Variants in VPS13C observed in about 807,000 individuals in gnomAD.
VPS13C encodes the protein vacuolar protein sorting 13 homolog C.
A neutral mutation model predicts 456.8 loss-of-function variants in VPS13C; 358 were observed. The observed-to-expected ratio is 0.78, with a 90% CI of 0.72 to 0.86. The LOEUF is 0.86. Ranked by LOEUF, VPS13C falls within the 40% of genes least tolerant of loss-of-function variation. The pLI is 0.00. For missense variants in VPS13C, 4,818 were observed against 4,385.4 expected (o/e 1.10, Z -2.79); for synonymous variants, 1,578 against 1,486.7 (o/e 1.06, Z -1.41).
Position 61,927,169 on chromosome 15 carries a change from C to A in VPS13C, c.6438G>T (p.Met2146Ile). Residue 2146 changes from methionine to isoleucine, a missense_variant, in exon 52 of 85, where the codon ATG becomes ATT. Physicochemically the swap from Met to Ile is conservative, Grantham distance 10. Transcript: ENST00000644861. The part of the protein sequence containing the change: ...LSLSTSKLEQ[M>I]MEASVRDLKV... ...TCAGATCTCTCACAGAAGCTTCCAT[C>A]ATCTGTTCGAGTTTGGATGTTGACA... The A allele has an allele frequency of 2.5e-6, 4 of 1,614,188 alleles. No individual in the cohort carries two copies. The highest frequency in any genetic ancestry group is 3.4e-6 in the Non-Finnish European group (4 of 1,180,030).
At chr15:61,881,689 A>T in intron 70 of VPS13C, 57 bp from the exon 71 acceptor site, 10 of 1,599,564 alleles carry the variant, frequency 6.3e-6, no homozygotes, top group Non-Finnish European at 8.5e-6. Context: ...GGTTAAACTA[A>T]TGCCTATTTA....
chr15:61,976,579 G>C (rs1024532390), intron 24 of VPS13C, among the ~76,000 whole-genome samples: 9 of 151,856 alleles, frequency 5.9e-5, no homozygotes, highest in African/African-American at 2.2e-4. Context: ...CCATGATGAT[G>C]GTTTCACGGC....
Position 61,862,851 on chromosome 15 carries a change from T to C in VPS13C, c.10952+589A>G, listed in dbSNP as rs148120039. 3.9e-4 allele frequency among the ~76,000 whole-genome samples: 59 copies of C among 152,264 alleles called. No individual in the cohort carries two copies. The East Asian group carries it at 0.01, about 26-fold the overall frequency. ...CTGTAAGAACTTTGCCTTACTCTTA[T>C]AAAGCTCAACACTAAGAAAGTTCTG... On this transcript the variant is annotated intron_variant, in intron 82 of 84. Transcript: ENST00000644861.
intron 47 of VPS13C, among the ~76,000 whole-genome samples, chr15:61,938,713 C>G (rs1172781398): frequency 6.6e-6 from 1 of 152,190 alleles, no homozygotes; most frequent in East Asian, 1.9e-4. Flanking sequence ...CCCTGTGAAT[C>G]TACCACCTGG....
At chr15:62,017,650 T>G (rs1011138148) in intron 9 of VPS13C, among the ~76,000 whole-genome samples, 3 of 152,210 alleles carry the variant, frequency 2.0e-5, no homozygotes, top group Non-Finnish European at 4.4e-5. Flanking sequence ...TCTGTATCTC[T>G]GTTTTGGTAC....
At position 62,007,417 on chromosome 15, in the gene VPS13C, G is replaced by A. The variant is rs1435979092; in HGVS notation, c.1181C>T (p.Ser394Leu). Reference protein sequence around the residue: ...VHIRRYTQMWSWSNIKKHRQL... With the variant: ...VHIRRYTQMWLWSNIKKHRQL... ...CCTGTGCTTTTTTATGTTACTCCAT[G>A]ACCACATCTGTGTATACCTTCTTAT... Residue 394 changes from serine (S) to leucine (L), a missense_variant, in exon 15 of 85, where the codon TCA (serine) becomes TTA (leucine). Physicochemically the swap from Ser to Leu is moderately radical, Grantham distance 145. Around this residue, in one of 3 missense-constraint regions of VPS13C, gnomAD observed 4,552 missense variants for 4,130.6 expected, o/e 1.10. Coordinates refer to ENST00000644861, the MANE Select transcript of VPS13C (RefSeq NM_020821.3). The A allele has an allele frequency of 1.2e-6, 2 of 1,612,646 alleles. No homozygotes were observed. The highest frequency in any genetic ancestry group is 1.3e-5 in the African/African-American group (1 of 74,876).
intron 67 of VPS13C, among the ~76,000 whole-genome samples, chr15:61,889,942 CAACT>C (rs1345368931): frequency 6.6e-6 from 1 of 151,966 alleles, no homozygotes; most frequent in Non-Finnish European, 1.5e-5. Context: ...TTTCCCCCAC[CAACT>C]GACAATGAGT....
intron 66 of VPS13C, chr15:61,906,837 C>T (rs141947139): frequency 5.9e-6 from 1 of 168,148 alleles, no homozygotes; most frequent in Non-Finnish European, 1.3e-5. Flanking sequence ...CACTAAATTT[C>T]TTACATGCGA....
chr15:61,892,120 A>G (rs1199129033), intron 66 of VPS13C, among the ~76,000 whole-genome samples: 1 of 152,232 alleles, frequency 6.6e-6, no homozygotes, highest in Non-Finnish European at 1.5e-5. Context: ...GGCTCAGCCC[A>G]TGGGAAGCAT....
chr15:61,883,252 G>C (rs982551349), intron 68 of VPS13C, among the ~76,000 whole-genome samples: 10 of 149,560 alleles, frequency 6.7e-5, no homozygotes, highest in African/African-American at 2.5e-4. Context: ...GTCCAGGCAA[G>C]TCTCAAACTC....
At chr15:61,931,960 T>C (rs756699290) in intron 49 of VPS13C, among the ~76,000 whole-genome samples, 1 of 152,158 alleles carries the variant, frequency 6.6e-6, no homozygotes, top group Non-Finnish European at 1.5e-5. Flanking sequence ...GAGTAAGGCA[T>C]GGTAGATGAT....
At chr15:61,968,693 G>A (rs2045454928) in intron 28 of VPS13C, among the ~76,000 whole-genome samples, 1 of 151,474 alleles carries the variant, frequency 6.6e-6, no homozygotes, top group Admixed American at 6.6e-5. Context: ...TTATAACCTG[G>A]TGTTTCTTGT....
chr15:61,882,675 T>A lies in VPS13C; in HGVS notation c.9545A>T (p.Asp3182Val). 1 of 1,600,182 alleles carries A rather than the reference T, an allele frequency of 6.2e-7. No homozygotes were observed. Residue 3182 changes from aspartate to valine, a missense_variant, in exon 69 of 85, where the codon GAC becomes GTC. Coordinates refer to ENST00000644861, the MANE Select transcript of VPS13C (RefSeq NM_020821.3). ...TTCAATCTGAATTCCTGATAAAAAGTCTCGTTTAATAGGGCTACGAATAGG... is the reference window on the plus strand; with the variant it reads ...TTCAATCTGAATTCCTGATAAAAAGACTCGTTTAATAGGGCTACGAATAGG... The part of the protein sequence containing the change: ...RLPIRSPIKR[D>V]FLSGIQIEFK...
At chr15:62,052,910 C>T (rs970884163) in intron 1 of VPS13C, among the ~76,000 whole-genome samples, 4 of 152,124 alleles carry the variant, frequency 2.6e-5, no homozygotes, top group Non-Finnish European at 5.9e-5. Flanking sequence ...AACATCACCA[C>T]TGAACTTTCT....
At position 61,898,748 on chromosome 15, in the gene VPS13C, C is replaced by T. The variant is rs1449897748; in HGVS notation, c.9106-8348G>A. On this transcript the variant is annotated intron_variant, in intron 66 of 84. Transcript: ENST00000644861. ...GAATTGAACTCAGCTCTGCACCAAG[C>T]GGACCTAATAGACATCTACAGAACT... is the stretch of plus-strand genomic sequence containing the variant. Among the ~76,000 whole-genome samples the T allele has an allele frequency of 2.1e-3, 231 of 110,240 alleles. 1 individual carries two copies. Among genetic ancestry groups the T allele is most frequent in the Non-Finnish European group, 3.7e-3 (196 of 53,432 alleles). The allele number at this position is 110,240 out of a possible 152,430, so 72.3% of individuals were successfully genotyped here.
intron 15 of VPS13C, among the ~76,000 whole-genome samples, chr15:62,005,841 T>C (rs1341140307): frequency 6.6e-6 from 1 of 152,000 alleles, no homozygotes; most frequent in African/African-American, 2.4e-5. Context: ...TAACTGGGAT[T>C]ACGGGTGCCC....
At chr15:61,854,723 G>T in intron 84 of VPS13C, 148 bp downstream of exon 84, 1 of 968,366 alleles carries the variant, frequency 1.0e-6, no homozygotes, top group East Asian at 2.6e-5. Flanking sequence ...CCTTGCACCC[G>T]ACTGAGTCCA....
At chr15:61,914,827 C>T (rs982504355) in intron 61 of VPS13C, among the ~76,000 whole-genome samples, 4 of 136,954 alleles carry the variant, frequency 2.9e-5, no homozygotes, top group Non-Finnish European at 4.5e-5. Context: ...TCGCAAAGTG[C>T]TGGCTGGGAT....
At chr15:61,898,018 C>G (rs201234664) in intron 66 of VPS13C, among the ~76,000 whole-genome samples, 35 of 151,824 alleles carry the variant, frequency 2.3e-4, no homozygotes, top group South Asian at 1.0e-3. Context: ...CATAAGTGAA[C>G]GAGAAATAAA....
Sources: allele counts gnomAD v4.1 joint callset (sites outside exome capture counted in the v4.1 genomes callset), GRCh38; gene constraint gnomAD v4.1.1; regional missense constraint gnomAD v4.1.1; transcripts MANE v1.5; gene names NCBI Gene and HGNC (gene_info 2026-07-23, HGNC 2026-07-21).